The following NDUFB5 variants were observed in gnomAD, a reference collection of about 807,000 sequenced individuals.
NDUFB5 encodes the protein NADH:ubiquinone oxidoreductase subunit B5, also known as NADH dehydrogenase [ubiquinone] 1 beta subcomplex subunit 5, mitochondrial.
A neutral mutation model predicts 19.4 loss-of-function variants in NDUFB5; 19 were observed. That is an observed-to-expected ratio of 0.98 (90% confidence interval 0.68 to 1.43). The LOEUF is 1.43. Ranked by LOEUF, NDUFB5 falls within the 40% of genes most tolerant of loss-of-function variation. The pLI is 0.00. For synonymous variants in NDUFB5, 80 were observed against 82.6 expected (o/e 0.97, Z 0.17); for missense variants, 233 against 236.5 (o/e 0.99, Z 0.10).
Position 179,624,048 on chromosome 3 carries a change from T to C in NDUFB5, c.*8T>C. The C allele has an allele frequency of 1.2e-6, 2 of 1,610,038 alleles. No homozygotes were observed. The highest frequency in any genetic ancestry group is 1.7e-6 in the Non-Finnish European group (2 of 1,176,850). On this transcript the variant is annotated 3_prime_UTR_variant, in exon 6 of 6. Transcript: ENST00000259037. ...GCAACTCCTGACAATTAAGCATTTTTTTCTCCAAATACAAAGTATATTCTC... is the reference window on the plus strand; with the variant it reads ...GCAACTCCTGACAATTAAGCATTTTCTTCTCCAAATACAAAGTATATTCTC...
chr3:179,610,378 C>T (rs1461997503), intron 1 of NDUFB5, among the ~76,000 whole-genome samples: 1 of 152,150 alleles, frequency 6.6e-6, no homozygotes, highest in Non-Finnish European at 1.5e-5. Flanking sequence ...CAGGAATGAG[C>T]CACCATGCCC....
chr3:179,626,725 G>T lies in NDUFB5; in HGVS notation c.*2685G>T, dbSNP rs1719681553. 1 of 152,108 alleles carries T rather than the reference G, an allele frequency of 6.6e-6. No individual in the cohort carries two copies. The highest frequency in any genetic ancestry group is 6.6e-5 in the Admixed American group (1 of 15,248). The allele number at this position is 152,108 out of a possible 1,614,324, so 9.4% of individuals were successfully genotyped here. A position where few individuals can be genotyped will look rare whatever the true frequency, so the allele number is the denominator to read the frequency against. On this transcript the variant is annotated 3_prime_UTR_variant, in exon 6 of 6. Transcript: ENST00000259037. The stretch of plus-strand genomic sequence containing the variant: ...TTTTTGTATTTTTAGTAGAGAGGGG[G>T]TGTCACCATGTTGGCCAGGGTGATC...
chr3:179,617,160 C>T, intron 4 of NDUFB5, 116 bp downstream of exon 4: 1 of 719,444 alleles, frequency 1.4e-6, no homozygotes, highest in Non-Finnish European at 2.2e-6. Context: ...TTTTTTGAGA[C>T]AGCATCTCGC....
intron 1 of NDUFB5, among the ~76,000 whole-genome samples, chr3:179,613,537 A>C (rs922174450): frequency 6.6e-6 from 1 of 152,220 alleles, no homozygotes; most frequent in Non-Finnish European, 1.5e-5. Context: ...TGAATTAATG[A>C]GTACTTTGTA....
At chr3:179,619,158 CAT>C (rs1463791931) in intron 5 of NDUFB5, among the ~76,000 whole-genome samples, 1 of 147,634 alleles carries the variant, frequency 6.8e-6, no homozygotes, top group African/African-American at 2.5e-5. Flanking sequence ...AAGCTAGACA[CAT>C]ATATTTTTTC....
chr3:179,623,465 G>A (rs1311222348), intron 5 of NDUFB5, among the ~76,000 whole-genome samples: 7 of 152,206 alleles, frequency 4.6e-5, no homozygotes, highest in Non-Finnish European at 8.8e-5. Context: ...GACGAGGTCA[G>A]GAGTTAGAGA....
chr3:179,605,037 G>A (rs1719043698), intron 1 of NDUFB5, 98 bp downstream of exon 1: 2 of 1,411,498 alleles, frequency 1.4e-6, no homozygotes, highest in South Asian at 1.6e-5. Flanking sequence ...GGAGGGAGCC[G>A]GGACAAGTTG....
intron 5 of NDUFB5, among the ~76,000 whole-genome samples, chr3:179,619,783 C>A (rs1719483345): frequency 6.6e-6 from 1 of 152,184 alleles, no homozygotes; most frequent in Non-Finnish European, 1.5e-5. Flanking sequence ...CACTGACTTC[C>A]ACAATGATTG....
chr3:179,605,144 A>C (rs1193254260), intron 1 of NDUFB5, among the ~76,000 whole-genome samples: 1 of 117,360 alleles, frequency 8.5e-6, no homozygotes, highest in African/African-American at 2.5e-5. Flanking sequence ...TAGCATTTCT[A>C]AAACGTTGTT....
At chr3:179,620,006 G>A (rs1719491455) in intron 5 of NDUFB5, among the ~76,000 whole-genome samples, 1 of 152,214 alleles carries the variant, frequency 6.6e-6, no homozygotes, top group South Asian at 2.1e-4. Flanking sequence ...CTTTTGAGAA[G>A]TGTCTGTTCA....
chr3:179,621,858 A>T (rs1719546830), intron 5 of NDUFB5, among the ~76,000 whole-genome samples: 1 of 152,188 alleles, frequency 6.6e-6, no homozygotes. Context: ...AATTATTGTC[A>T]GGTTTGACAG....
rs201764393 is a variant in NDUFB5 at position 179,612,773 on chromosome 3, G to A, written c.125-2198G>A. 9.9e-5 allele frequency among the ~76,000 whole-genome samples: 15 copies of A among 152,282 alleles called. No homozygotes were observed. The East Asian group carries it at 2.9e-3, about 29-fold the overall frequency. On this transcript the variant is annotated intron_variant, in intron 1 of 5. Transcript: ENST00000259037. ...TTACAGGCGTGAGCCGCCGCGCTCA[G>A]CCAAAAACCGCAATTACTTTCAGTT...
intron 4 of NDUFB5, 196 bp downstream of exon 4, chr3:179,617,240 C>T (rs1253569311): frequency 5.0e-6 from 2 of 403,058 alleles, no homozygotes; most frequent in African/African-American, 2.1e-5. Flanking sequence ...CGCATTCAAG[C>T]GATTCTCATG....
intron 5 of NDUFB5, among the ~76,000 whole-genome samples, chr3:179,622,894 T>C (rs1560027700): frequency 6.6e-6 from 1 of 152,036 alleles, no homozygotes; most frequent in Non-Finnish European, 1.5e-5. Flanking sequence ...GAATGTGTGA[T>C]TGTTTGTGCA....
intron 4 of NDUFB5, chr3:179,618,091 T>C (rs1328901166): frequency 6.0e-6 from 1 of 166,912 alleles, no homozygotes; most frequent in African/African-American, 2.4e-5. Flanking sequence ...AAAACCTGGG[T>C]TTGTCTTCTG....
chr3:179,612,762 C>T (rs552808492), intron 1 of NDUFB5, among the ~76,000 whole-genome samples: 6 of 152,214 alleles, frequency 3.9e-5, no homozygotes, highest in South Asian at 2.1e-4. Context: ...AGGCGTGAGC[C>T]GCCGCGCTCA....
intron 3 of NDUFB5, among the ~76,000 whole-genome samples, chr3:179,616,588 A>C (rs1174459822): frequency 1.3e-5 from 2 of 152,154 alleles, no homozygotes; most frequent in Non-Finnish European, 2.9e-5. Flanking sequence ...TGAAAGTGTC[A>C]ATGACAGTAA....
At position 179,624,643 on chromosome 3, in the gene NDUFB5, T is replaced by G. The variant is rs1719626672; in HGVS notation, c.*603T>G. 6.8e-6 allele frequency: 1 copy of G among 146,086 alleles called. No individual in the cohort carries two copies. Among genetic ancestry groups the G allele is most frequent in the Admixed American group, 6.9e-5 (1 of 14,396 alleles). 9.0% of individuals were successfully genotyped at this position (146,086 alleles called of 1,614,324 possible). ...ATGCAATCTCTGGGATCCCTTAGAG[T>G]CCTTTTTTGGGGAAGTAGTTGCACT... On this transcript the variant is annotated 3_prime_UTR_variant, in exon 6 of 6. Transcript: ENST00000259037.
rs980897956 is a variant in NDUFB5, at chr3:179,604,952, C to T, written c.124+13C>T. ...CCGAAGGCTGCTGGTGGGTGCTGGC[C>T]TAGGGAGAACGGGCGTGAAGCGGGT... is the stretch of plus-strand genomic sequence containing the variant. On this transcript the variant is annotated intron_variant, in intron 1 of 5. Transcript: ENST00000259037. 1.9e-6 allele frequency: 3 copies of T among 1,554,848 alleles called. No homozygotes were observed. Among genetic ancestry groups the T allele is most frequent in the Middle Eastern group, 3.5e-4 (2 of 5,782 alleles).
Sources: allele counts gnomAD v4.1 joint callset (sites outside exome capture counted in the v4.1 genomes callset), GRCh38; gene constraint gnomAD v4.1.1; transcripts MANE v1.5; gene names NCBI Gene and HGNC (gene_info 2026-07-23, HGNC 2026-07-21).